NTN1: variants seen among roughly 807,000 people sequenced by gnomAD.
NTN1 encodes netrin 1.
NTN1 carries 11 observed loss-of-function variants against 54.2 expected under a neutral mutation model. The ratio of observed to expected loss-of-function variants is 0.20; its 90% CI spans 0.13 to 0.34. The LOEUF (loss-of-function observed/expected upper bound fraction) is 0.34. Ranked by LOEUF, NTN1 falls within the 10% of genes least tolerant of loss-of-function variation. The pLI is 1.00. For synonymous variants in NTN1, 371 were observed against 382.0 expected, an observed-to-expected ratio of 0.97 and a Z score of 0.33; for missense variants, 740 against 893.1, an observed-to-expected ratio of 0.83 and a Z score of 2.18.
At chr17:9,157,023 ATCCG>A (rs1014389723) in intron 2 of NTN1, among the ~76,000 whole-genome samples, 2 of 136,232 alleles carry the variant, frequency 1.5e-5, no homozygotes, top group Non-Finnish European at 3.0e-5. Context: ...CCATCTATCC[ATCCG>A]TCCATCCATC....
intron 2 of NTN1, among the ~76,000 whole-genome samples, chr17:9,114,986 G>A (rs1343723974): frequency 6.6e-6 from 1 of 152,202 alleles, no homozygotes; most frequent in Non-Finnish European, 1.5e-5. Context: ...GCTTCTGTGA[G>A]AGAAGATGCT....
At chr17:9,048,610 A>G (rs1486091099) in intron 2 of NTN1, among the ~76,000 whole-genome samples, 1 of 152,050 alleles carries the variant, frequency 6.6e-6, no homozygotes, top group Non-Finnish European at 1.5e-5. Context: ...GTCCAATAGA[A>G]AGCTGTTTTG....
At chr17:9,097,852 T>C (rs2092137031) in intron 2 of NTN1, among the ~76,000 whole-genome samples, 1 of 152,060 alleles carries the variant, frequency 6.6e-6, no homozygotes, top group South Asian at 2.1e-4. Context: ...CAGTCCCCTG[T>C]GTACCTAGGT....
the NTN1 span, among the ~76,000 whole-genome samples, chr17:9,003,592 G>A: frequency 1.8e-4 from 27 of 148,594 alleles, no homozygotes; most frequent in African/African-American, 6.6e-4. This position sits in a 1 kb window ranked among gnomAD's most constrained non-coding sequence, Gnocchi z 7.4. Flanking sequence ...AGCCAGCCCC[G>A]GCCCTGCCGC....
chr17:9,021,108 G>C (rs915447507), upstream of NTN1, among the ~76,000 whole-genome samples: 1 of 152,176 alleles, frequency 6.6e-6, no homozygotes, highest in Non-Finnish European at 1.5e-5. Context: ...AAACACAGAT[G>C]TGTTTGGCTG....
At chr17:9,022,190 A>C in intron 1 of NTN1, 121 bp from the exon 2 acceptor site, 1 of 608,244 alleles carries the variant, frequency 1.6e-6, no homozygotes, top group Non-Finnish European at 2.4e-6. Context: ...AGAGGCGGGC[A>C]GTCGGCTGCG....
At chr17:9,011,809 C>A in the NTN1 span, among the ~76,000 whole-genome samples, 1 of 152,174 alleles carries the variant, frequency 6.6e-6, no homozygotes, top group East Asian at 1.9e-4. Flanking sequence ...AGGATGGTCT[C>A]GATCTCTTGA....
chr17:9,164,518 AC>A (rs1221546026), intron 3 of NTN1, among the ~76,000 whole-genome samples: 1 of 152,196 alleles, frequency 6.6e-6, no homozygotes, highest in African/African-American at 2.4e-5. Flanking sequence ...GAATTTTGAA[AC>A]AAGGACAGCA....
chr17:9,052,082 C>T (rs944901604), intron 2 of NTN1, among the ~76,000 whole-genome samples: 2 of 152,142 alleles, frequency 1.3e-5, no homozygotes, highest in South Asian at 2.1e-4. Context: ...AAGCGATTCT[C>T]CTGCCTCAGA....
At chr17:9,160,608 A>G (rs2092354532) in intron 2 of NTN1, among the ~76,000 whole-genome samples, 1 of 152,164 alleles carries the variant, frequency 6.6e-6, no homozygotes, top group African/African-American at 2.4e-5. Context: ...TAGAAATAGG[A>G]GTGTGTTCCT....
At chr17:9,128,119 A>AAAATAAAT (rs57255280) in intron 2 of NTN1, among the ~76,000 whole-genome samples, 159 of 149,610 alleles carry the variant, frequency 1.1e-3, no homozygotes, top group Middle Eastern at 3.4e-3. Context: ...TCCGTCTCGA[A>AAAATAAAT]AAATAAATAA....
chr17:9,193,987 G>A, intron 5 of NTN1, among the ~76,000 whole-genome samples: 1 of 144,882 alleles, frequency 6.9e-6, no homozygotes, highest in African/African-American at 2.6e-5. Flanking sequence ...TGTAATCCCA[G>A]CACTTTGGGA....
intron 6 of NTN1, among the ~76,000 whole-genome samples, chr17:9,224,550 G>A (rs1260383539): frequency 6.6e-6 from 1 of 152,236 alleles, no homozygotes; most frequent in Admixed American, 6.5e-5. Context: ...GCCTGGCTGG[G>A]TGAGATGACT....
rs1906225253 is a variant in NTN1 at position 9,241,859 on chromosome 17, C to T, written c.*1891C>T. ...AAACTCCAGAGCCCGACTTTCTGAC[C>T]AGGGGCCACGCTGGCCCTCACTGCA... On this transcript the variant is annotated 3_prime_UTR_variant, in exon 7 of 7. Coordinates refer to ENST00000173229, the MANE Select transcript of NTN1 (RefSeq NM_004822.3). 6.6e-6 allele frequency: 1 copy of T among 152,278 alleles called. No homozygotes were observed. Among genetic ancestry groups the T allele is most frequent in the African/African-American group, 2.4e-5 (1 of 41,468 alleles). 9.4% of individuals were successfully genotyped at this position (152,278 alleles called of 1,614,324 possible).
the NTN1 span, among the ~76,000 whole-genome samples, chr17:9,016,116 TC>T: frequency 2.0e-5 from 3 of 151,980 alleles, no homozygotes; most frequent in African/African-American, 7.2e-5. Context: ...AAACTCCTGT[TC>T]CTTTAAGGCC....
chr17:9,114,166 A>AATATATATATATATATATATAT (rs34188198), intron 2 of NTN1, among the ~76,000 whole-genome samples: 29 of 74,546 alleles, frequency 3.9e-4, no homozygotes, highest in Non-Finnish European at 5.7e-4. Flanking sequence ...AAAAAAAAAA[A>AATATATATATATATATATATAT]ATATATATAT....
At position 9,165,549 on chromosome 17, in the gene NTN1, A is replaced by G. The variant is rs930700591; in HGVS notation, c.1207+2548A>G. Among the ~76,000 whole-genome samples the G allele has an allele frequency of 6.6e-6, 1 of 152,208 alleles. No individual in the cohort carries two copies. Among genetic ancestry groups the G allele is most frequent in the Non-Finnish European group, 1.5e-5 (1 of 68,046 alleles). On this transcript the variant is annotated intron_variant, in intron 3 of 6. Transcript: ENST00000173229. The surrounding 1 kb of genome is among the most constrained non-coding windows in gnomAD (Gnocchi z 4.5). ...CAGCAGCTGCCCCGGCCTTGGTGGGAACCCTGGGAGAATAACTCACAGGAC... is the reference window on the plus strand; with the variant it reads ...CAGCAGCTGCCCCGGCCTTGGTGGGGACCCTGGGAGAATAACTCACAGGAC...
At chr17:9,075,853 C>G (rs1256887065) in intron 2 of NTN1, among the ~76,000 whole-genome samples, 1 of 152,168 alleles carries the variant, frequency 6.6e-6, no homozygotes, top group Non-Finnish European at 1.5e-5. Flanking sequence ...TGGAATGGGT[C>G]AGTGGTTGGC....
rs1905342808 is a variant in NTN1 at position 9,221,211 on chromosome 17, TAACATGAAA to T, written c.1458_1466del (p.Asn486_Lys488del). 6.2e-7 allele frequency: 1 copy of T among 1,611,702 alleles called. No homozygotes were observed. Among genetic ancestry groups the T allele is most frequent in the African/African-American group, 1.4e-5 (1 of 73,576 alleles). ...AGGCCTCCAAGGGGAAGCTGAAGATTAACATGAAAAAGTACTGCAAGAAGGACTATGGTG... is the reference window on the plus strand; with the variant it reads ...AGGCCTCCAAGGGGAAGCTGAAGATTAAGTACTGCAAGAAGGACTATGGTG... On this transcript the variant is annotated inframe_deletion, in exon 6 of 7. Transcript: ENST00000173229. This position sits in a 1 kb window ranked among gnomAD's most constrained non-coding sequence, Gnocchi z 4.5.
Sources: gnomAD v4.1 joint callset for allele counts (sites outside exome capture counted in the v4.1 genomes callset) on GRCh38, gnomAD v4.1.1 for gene constraint, Gnocchi (gnomAD v3.1) non-coding constraint, MANE v1.5 for transcripts, NCBI Gene and HGNC (gene_info 2026-07-23, HGNC 2026-07-21) for gene names.